The following RPS6KC1 variants were observed in gnomAD, a reference collection of about 807,000 sequenced individuals.
The protein encoded by RPS6KC1 is ribosomal protein S6 kinase C1.
Under a neutral mutation model 103.8 loss-of-function variants are expected in RPS6KC1, and 54 were observed. That is an observed-to-expected ratio of 0.52 (90% CI 0.42 to 0.65). The LOEUF (loss-of-function observed/expected upper bound fraction) is 0.65. Among genes scored for constraint, RPS6KC1 ranks in the 30% least tolerant of loss-of-function variants. RPS6KC1 has a pLI of 0.00. For synonymous variants in RPS6KC1, 439 were observed against 438.7 expected, an observed-to-expected ratio of 1.00 and a Z score of -0.01; for missense variants, 1,151 against 1,253.8, an observed-to-expected ratio of 0.92 and a Z score of 1.24.
At chr1:213,480,060 C>A in the RPS6KC1 span, among the ~76,000 whole-genome samples, 2 of 151,852 alleles carry the variant, frequency 1.3e-5, no homozygotes, top group African/African-American at 4.8e-5. Context: ...CTTCTTTGTT[C>A]TTTTTCTGAA....
At chr1:213,278,500 G>C (rs1298378494), downstream of RPS6KC1, among the ~76,000 whole-genome samples, 2 of 152,194 alleles carry the variant, frequency 1.3e-5, no homozygotes, top group Non-Finnish European at 2.9e-5. Context: ...AAATGTGTTA[G>C]ATATTTGAAG....
At chr1:213,478,893 A>G in the RPS6KC1 span, among the ~76,000 whole-genome samples, 1 of 152,052 alleles carries the variant, frequency 6.6e-6, no homozygotes, top group African/African-American at 2.4e-5. Flanking sequence ...TTCAGAGGGA[A>G]CAATTCTCAT....
At chr1:213,376,353 A>T in the RPS6KC1 span, among the ~76,000 whole-genome samples, 4 of 151,864 alleles carry the variant, frequency 2.6e-5, no homozygotes, top group Admixed American at 2.6e-4. Context: ...AATAATTTGG[A>T]TTTACTTAGC....
the RPS6KC1 span, among the ~76,000 whole-genome samples, chr1:213,595,965 TTG>T: frequency 6.6e-6 from 1 of 152,156 alleles, no homozygotes; most frequent in Non-Finnish European, 1.5e-5. Context: ...TTTTTTGCTG[TTG>T]TGTTTTGTTT....
intron 8 of RPS6KC1, among the ~76,000 whole-genome samples, chr1:213,192,952 G>A (rs1282644083): frequency 4.6e-5 from 7 of 152,006 alleles, no homozygotes; most frequent in African/African-American, 1.7e-4. Flanking sequence ...TGGACCCACT[G>A]GCCATTCAGA....
intron 5 of RPS6KC1, among the ~76,000 whole-genome samples, chr1:213,122,989 A>T (rs775188089): frequency 1.3e-5 from 2 of 152,156 alleles, no homozygotes; most frequent in Non-Finnish European, 2.9e-5. Context: ...TTAGGAGTTT[A>T]GGGGTTGGGT....
At chr1:213,486,462 A>G in the RPS6KC1 span, among the ~76,000 whole-genome samples, 1 of 152,160 alleles carries the variant, frequency 6.6e-6, no homozygotes, top group Non-Finnish European at 1.5e-5. Flanking sequence ...AAGTACACAC[A>G]TAGGACTCTG....
chr1:213,214,572 T>C (rs556708345), intron 8 of RPS6KC1, among the ~76,000 whole-genome samples: 1 of 152,334 alleles, frequency 6.6e-6, no homozygotes, highest in Admixed American at 6.5e-5. Context: ...ATGGACAGAC[T>C]GCCTCCTCAA....
the RPS6KC1 span, among the ~76,000 whole-genome samples, chr1:213,491,063 G>A: frequency 6.2e-4 from 94 of 152,252 alleles, no homozygotes; most frequent in Non-Finnish European, 1.2e-3. Flanking sequence ...TGCTCCCCTT[G>A]CCCACCCCAA....
chr1:213,562,051 C>G, the RPS6KC1 span, among the ~76,000 whole-genome samples: 1 of 152,136 alleles, frequency 6.6e-6, no homozygotes, highest in African/African-American at 2.4e-5. Flanking sequence ...AAAATGCTAG[C>G]TGTTAGCAAA....
the RPS6KC1 span, among the ~76,000 whole-genome samples, chr1:213,384,145 G>A: frequency 2.6e-5 from 4 of 151,932 alleles, no homozygotes; most frequent in African/African-American, 4.8e-5. Context: ...GTGTGGTGGC[G>A]GGTGCCTGTA....
At chr1:213,612,971 C>T in the RPS6KC1 span, among the ~76,000 whole-genome samples, 1 of 152,168 alleles carries the variant, frequency 6.6e-6, no homozygotes, top group South Asian at 2.1e-4. Context: ...AGGAAATCAA[C>T]ACTTCTTTCC....
At chr1:213,507,566 T>A in the RPS6KC1 span, among the ~76,000 whole-genome samples, 11 of 149,546 alleles carry the variant, frequency 7.4e-5, no homozygotes, top group East Asian at 1.7e-3. Context: ...TTTTTTTTTT[T>A]AACCTGTGAA....
At chr1:213,640,632 C>T in the RPS6KC1 span, among the ~76,000 whole-genome samples, 2 of 151,680 alleles carry the variant, frequency 1.3e-5, no homozygotes, top group Non-Finnish European at 2.9e-5. Flanking sequence ...CCCATTGAGA[C>T]TTCCTTTTTG....
intron 6 of RPS6KC1, among the ~76,000 whole-genome samples, chr1:213,150,135 G>T (rs971610676): frequency 6.6e-6 from 1 of 151,832 alleles, no homozygotes; most frequent in African/African-American, 2.4e-5. Context: ...TAGTCCATTT[G>T]CATTCAATGT....
the RPS6KC1 span, among the ~76,000 whole-genome samples, chr1:213,628,206 C>A: frequency 3.3e-5 from 5 of 152,120 alleles, no homozygotes; most frequent in African/African-American, 7.2e-5. Flanking sequence ...AGTTTATTTG[C>A]GTAGAGGTGT....
At chr1:213,539,714 T>C in the RPS6KC1 span, among the ~76,000 whole-genome samples, 1 of 152,210 alleles carries the variant, frequency 6.6e-6, no homozygotes, top group East Asian at 1.9e-4. Flanking sequence ...TAAGTCCCAT[T>C]GGTTAAAATG....
chr1:213,330,966 G>A, the RPS6KC1 span, among the ~76,000 whole-genome samples: 1 of 152,202 alleles, frequency 6.6e-6, no homozygotes, highest in African/African-American at 2.4e-5. Context: ...TGGAAAGGCA[G>A]AAAGAGAAGG....
At chr1:213,721,408 C>G in the RPS6KC1 span, among the ~76,000 whole-genome samples, 1 of 152,156 alleles carries the variant, frequency 6.6e-6, no homozygotes, top group South Asian at 2.1e-4. Context: ...ATAAATCTCA[C>G]AGAATCTGAT....
Sources: allele counts gnomAD v4.1 joint callset (sites outside exome capture counted in the v4.1 genomes callset), GRCh38; gene constraint gnomAD v4.1.1; transcripts MANE v1.5; gene names NCBI Gene and HGNC (gene_info 2026-07-23, HGNC 2026-07-21).